PRKN: variants seen among roughly 807,000 people sequenced by gnomAD.
PRKN encodes E3 ubiquitin-protein ligase parkin.
A neutral mutation model predicts 59.5 loss-of-function variants in PRKN; 56 were observed. The ratio of observed to expected loss-of-function variants is 0.94; its 90% confidence interval spans 0.76 to 1.18. PRKN has a LOEUF of 1.18. PRKN is among the 50% of genes most tolerant of loss of function. PRKN has a pLI of 0.00. For synonymous variants in PRKN, 250 were observed against 222.1 expected, an observed-to-expected ratio of 1.13 and a Z score of -1.12; for missense variants, 657 against 596.4, an observed-to-expected ratio of 1.10 and a Z score of -1.06.
chr6:162,206,605 C>T (rs1784950468), intron 3 of PRKN, among the ~76,000 whole-genome samples: 1 of 152,148 alleles, frequency 6.6e-6, no homozygotes, highest in Non-Finnish European at 1.5e-5. Context: ...TCCCTCAGTT[C>T]AGCCCTGCGC....
In PRKN at chr6:161,518,609, C is replaced by T. The variant is rs1258238754; in HGVS notation, c.1083+30245G>A. Among the ~76,000 whole-genome samples, 1 of 152,198 alleles carries T rather than the reference C, an allele frequency of 6.6e-6. No individual in the cohort carries two copies. Among genetic ancestry groups the T allele is most frequent in the Non-Finnish European group, 1.5e-5 (1 of 68,034 alleles). On this transcript the variant is annotated intron_variant, in intron 9 of 11. Transcript: ENST00000366898. This position sits in a 1 kb window ranked among gnomAD's most constrained non-coding sequence, Gnocchi z 5.0. ...CATTATTGGTTCAATGTTAATGCCA[C>T]GGCCTCCCCCTAGCAGCACAAGCCC...
rs1195047032 is a variant in PRKN, at chr6:161,417,516, A to T, written c.1084-30639T>A. On this transcript the variant is annotated intron_variant, in intron 9 of 11. Coordinates refer to ENST00000366898, the MANE Select transcript of PRKN (RefSeq NM_004562.3). This position sits in a 1 kb window ranked among gnomAD's most constrained non-coding sequence, Gnocchi z 5.4. The stretch of plus-strand genomic sequence containing the variant: ...CGCTATTGATTTAATCTCTGAATTA[A>T]AGGTCTCTGAATTAAAGTGTATAAA... Among the ~76,000 whole-genome samples the T allele has an allele frequency of 6.6e-6, 1 of 152,098 alleles. No homozygotes were observed.
chr6:161,490,245 A>G (rs1777497777), intron 9 of PRKN, among the ~76,000 whole-genome samples: 1 of 152,186 alleles, frequency 6.6e-6, no homozygotes, highest in Non-Finnish European at 1.5e-5. Context: ...GCTCGCTCCC[A>G]GCACAAAAGT....
chr6:161,450,288 G>GA (rs1319815375), intron 9 of PRKN, among the ~76,000 whole-genome samples: 5 of 152,154 alleles, frequency 3.3e-5, no homozygotes, highest in Non-Finnish European at 5.9e-5. Context: ...CAGCATTCTT[G>GA]AAAAATGATG....
chr6:162,012,014 T>C (rs1484920402), intron 5 of PRKN, among the ~76,000 whole-genome samples: 1 of 152,118 alleles, frequency 6.6e-6, no homozygotes, highest in Non-Finnish European at 1.5e-5. Flanking sequence ...TGCTATGTCA[T>C]ATTTTAATAA....
intron 5 of PRKN, among the ~76,000 whole-genome samples, chr6:162,036,673 G>A (rs115113391): frequency 0.012 from 1,887 of 152,046 alleles, 29 homozygotes; most frequent in African/African-American, 0.043. Flanking sequence ...GAGCCACCAC[G>A]CCTGGCCATC....
At chr6:161,441,670 A>C (rs1416425125) in intron 9 of PRKN, among the ~76,000 whole-genome samples, 2 of 143,672 alleles carry the variant, frequency 1.4e-5, no homozygotes, top group Admixed American at 6.9e-5. Flanking sequence ...AAAAAAAAAA[A>C]AGGATCTGAG....
At chr6:162,150,423 T>C (rs901406309) in intron 4 of PRKN, among the ~76,000 whole-genome samples, 2 of 152,192 alleles carry the variant, frequency 1.3e-5, no homozygotes, top group Non-Finnish European at 2.9e-5. Flanking sequence ...AATCTTCCTC[T>C]GCTCCCGCAC....
intron 4 of PRKN, among the ~76,000 whole-genome samples, chr6:162,176,361 T>G (rs1783533893): frequency 6.6e-6 from 1 of 152,178 alleles, no homozygotes; most frequent in Non-Finnish European, 1.5e-5. Context: ...TAGACTCAAA[T>G]AAGTATAAAG....
In PRKN at chr6:162,379,200, T is replaced by C. The variant is rs757537462; in HGVS notation, c.171+64110A>G. On this transcript the variant is annotated intron_variant, in intron 2 of 11. Transcript: ENST00000366898. ...CACATGATTTTAAGAACTGTTGAAT[T>C]TGAGTGCCATTGCCAGGGAAGCTGG... 3.9e-4 allele frequency among the ~76,000 whole-genome samples: 55 copies of C among 140,420 alleles called. 1 individual carries two copies. The highest frequency in any genetic ancestry group is 3.4e-3 in the Admixed American group (49 of 14,224). 92.1% of individuals were successfully genotyped at this position (140,420 alleles called of 152,430 possible).
At chr6:162,013,444 C>T (rs767956148) in intron 5 of PRKN, among the ~76,000 whole-genome samples, 1 of 151,416 alleles carries the variant, frequency 6.6e-6, no homozygotes, top group African/African-American at 2.5e-5. Flanking sequence ...ATGAGGAGCC[C>T]TAGTATTTTT....
At chr6:161,412,659 C>T (rs1342747705) in intron 9 of PRKN, among the ~76,000 whole-genome samples, 2 of 152,038 alleles carry the variant, frequency 1.3e-5, no homozygotes, top group African/African-American at 2.4e-5. Context: ...CTCACTCATT[C>T]CTTCCTCACT....
chr6:162,713,721 T>C (rs1778624588), intron 1 of PRKN, among the ~76,000 whole-genome samples: 1 of 152,114 alleles, frequency 6.6e-6, no homozygotes, highest in African/African-American at 2.4e-5. Flanking sequence ...TATTTGTCTG[T>C]TAGCTATACT....
At chr6:161,772,842 GA>G (rs1359382259) in intron 7 of PRKN, among the ~76,000 whole-genome samples, 2 of 151,946 alleles carry the variant, frequency 1.3e-5, no homozygotes, top group Non-Finnish European at 2.9e-5. Context: ...AAATAAGAAT[GA>G]AAAAACCTTG....
Position 162,436,419 on chromosome 6 carries a change from G to A in PRKN, c.171+6891C>T, listed in dbSNP as rs910365054. Among the ~76,000 whole-genome samples the A allele has an allele frequency of 6.7e-5, 10 of 149,884 alleles. No homozygotes were observed. In the East Asian group the frequency reaches 1.0e-3, roughly 15 times the overall value. The stretch of plus-strand genomic sequence containing the variant: ...GCAATCTTGGCTCACTGCCACCTCC[G>A]CCTCCCAGGTTCAAGAGATTCTCCG... On this transcript the variant is annotated intron_variant, in intron 2 of 11. Transcript: ENST00000366898.
At chr6:162,387,555 C>CACACACACACAGAG (rs1212726833) in intron 2 of PRKN, among the ~76,000 whole-genome samples, 1 of 95,576 alleles carries the variant, frequency 1.0e-5, no homozygotes, top group African/African-American at 4.1e-5. Context: ...CACACACACA[C>CACACACACACAGAG]AGAGAGAGAG....
intron 9 of PRKN, among the ~76,000 whole-genome samples, chr6:161,520,647 A>C (rs1264191173): frequency 6.6e-6 from 1 of 152,202 alleles, no homozygotes; most frequent in African/African-American, 2.4e-5. Flanking sequence ...AGATTCCCTA[A>C]AGTTTGAGTC....
chr6:162,582,985 TAGG>T (rs1325038823), intron 1 of PRKN, among the ~76,000 whole-genome samples: 1 of 152,178 alleles, frequency 6.6e-6, no homozygotes, highest in Non-Finnish European at 1.5e-5. Flanking sequence ...GTAGGACTTT[TAGG>T]AGGAGATAGG....
intron 6 of PRKN, among the ~76,000 whole-genome samples, chr6:161,843,796 A>C (rs943583614): frequency 6.6e-6 from 1 of 152,172 alleles, no homozygotes; most frequent in East Asian, 1.9e-4. Flanking sequence ...TCTCTAAATA[A>C]ATTCATTCAT....
Sources: gnomAD v4.1 joint callset for allele counts (sites outside exome capture counted in the v4.1 genomes callset) on GRCh38, gnomAD v4.1.1 for gene constraint, Gnocchi (gnomAD v3.1) non-coding constraint, MANE v1.5 for transcripts, NCBI Gene and HGNC (gene_info 2026-07-23, HGNC 2026-07-21) for gene names.